The following RGS6 variants were observed in gnomAD, a reference collection of about 807,000 sequenced individuals.
The protein encoded by RGS6 is regulator of G-protein signaling 6.
In RGS6, 30 loss-of-function variants were observed where a neutral mutation model predicts 78.5. The ratio of observed to expected loss-of-function variants is 0.38; its 90% CI spans 0.29 to 0.52. The LOEUF (loss-of-function observed/expected upper bound fraction) is 0.52, where lower values mean the gene tolerates loss of function less well. Ranked by LOEUF, RGS6 falls within the 20% of genes least tolerant of loss-of-function variation. The pLI is 0.85. For synonymous variants in RGS6, 206 were observed against 206.0 expected (o/e 1.00, Z 0.00); for missense variants, 495 against 609.7 (o/e 0.81, Z 1.98).
chr14:71,876,473 C>CTTTTTTTTTTTTTTTTT, the RGS6 span, among the ~76,000 whole-genome samples: 1 of 72,470 alleles, frequency 1.4e-5, no homozygotes, highest in African/African-American at 6.1e-5. Flanking sequence ...GCAACCGCTG[C>CTTTTTTTTTTTTTTTTT]TTTTTTTTTT....
At chr14:72,536,110 G>T (rs1264313110) in intron 15 of RGS6, 76 bp from the exon 16 acceptor site, 4 of 1,128,834 alleles carry the variant, frequency 3.5e-6, no homozygotes, top group Non-Finnish European at 4.0e-6. Context: ...CCAAAACAGT[G>T]ATCAATTGGA....
chr14:72,120,322 C>G (rs760275986), intron 2 of RGS6, among the ~76,000 whole-genome samples: 5 of 152,102 alleles, frequency 3.3e-5, no homozygotes, highest in Non-Finnish European at 5.9e-5. Flanking sequence ...CACAAATGCC[C>G]CAGCTACAAA....
intron 14 of RGS6, among the ~76,000 whole-genome samples, chr14:72,517,263 A>G (rs1208654273): frequency 1.3e-5 from 2 of 152,072 alleles, no homozygotes; most frequent in Non-Finnish European, 2.9e-5. Context: ...TCTGTTGACT[A>G]GACTACCTGT....
chr14:72,279,761 T>C (rs1402704700), intron 2 of RGS6, among the ~76,000 whole-genome samples: 1 of 152,050 alleles, frequency 6.6e-6, no homozygotes, highest in Non-Finnish European at 1.5e-5. Flanking sequence ...GACATGAGAA[T>C]GACAAAGAAA....
At chr14:72,153,232 G>T (rs1166457298) in intron 2 of RGS6, among the ~76,000 whole-genome samples, 1 of 152,166 alleles carries the variant, frequency 6.6e-6, no homozygotes, top group African/African-American at 2.4e-5. Flanking sequence ...CCTTTTTGGA[G>T]CCCTTTGGAA....
intron 2 of RGS6, among the ~76,000 whole-genome samples, chr14:72,156,973 G>A (rs1277089288): frequency 6.6e-6 from 1 of 152,138 alleles, no homozygotes; most frequent in Admixed American, 6.5e-5. Flanking sequence ...GGTCTGGATG[G>A]GGAGGCTGGC....
chr14:72,116,711 C>A (rs1469100295), intron 2 of RGS6, among the ~76,000 whole-genome samples: 1 of 151,834 alleles, frequency 6.6e-6, no homozygotes, highest in Non-Finnish European at 1.5e-5. Flanking sequence ...TGCCTGTAAC[C>A]CTAGCACTTT....
chr14:72,266,994 TTTTG>T (rs3055057), intron 2 of RGS6, among the ~76,000 whole-genome samples: 85,711 of 151,404 alleles, frequency 0.57, 24,669 homozygotes, highest in African/African-American at 0.67. Flanking sequence ...GATTGTCATA[TTTTG>T]TTTGTTTGTT....
At chr14:72,010,501 G>A (rs1220560547) in intron 2 of RGS6, among the ~76,000 whole-genome samples, 1 of 152,146 alleles carries the variant, frequency 6.6e-6, no homozygotes, top group African/African-American at 2.4e-5. Flanking sequence ...ATTTGAGTGT[G>A]TGCACAGGTA....
chr14:71,967,590 G>A lies in RGS6; in HGVS notation c.84+2715G>A, dbSNP rs151239280. Among the ~76,000 whole-genome samples the A allele has an allele frequency of 7.1e-4, 108 of 152,154 alleles. No individual in the cohort carries two copies. In the East Asian group the frequency reaches 0.01, roughly 15 times the overall value. On this transcript the variant is annotated intron_variant, in intron 2 of 17. Coordinates refer to ENST00000553525, the MANE Select transcript of RGS6 (RefSeq NM_001204424.2). ...CCCAAACCTTTCCTTAGATACCCAC[G>A]ACTACAATTTACATTTAAAAAATTG...
At chr14:72,528,417 A>G (rs1451707094) in intron 15 of RGS6, among the ~76,000 whole-genome samples, 2 of 152,182 alleles carry the variant, frequency 1.3e-5, no homozygotes, top group African/African-American at 4.8e-5. Flanking sequence ...CAACCACTCC[A>G]GGGATATGAT....
In RGS6 at chr14:72,028,519, A is replaced by G. The variant is rs182401127; in HGVS notation, c.84+63644A>G. 2.0e-3 allele frequency among the ~76,000 whole-genome samples: 298 copies of G among 152,370 alleles called. 1 individual carries two copies. The highest frequency in any genetic ancestry group is 6.9e-3 in the African/African-American group (289 of 41,590). Reference sequence around the variant, plus strand: ...CATCTTTTCTGGTAATAGCATGCTAATGCTATACTTCAAAGTGCAGTGAAT... The same window carrying G: ...CATCTTTTCTGGTAATAGCATGCTAGTGCTATACTTCAAAGTGCAGTGAAT... On this transcript the variant is annotated intron_variant, in intron 2 of 17. Coordinates refer to ENST00000553525, the MANE Select transcript of RGS6 (RefSeq NM_001204424.2).
At chr14:72,038,808 T>C (rs753409946) in intron 2 of RGS6, among the ~76,000 whole-genome samples, 6 of 152,220 alleles carry the variant, frequency 3.9e-5, no homozygotes, top group Non-Finnish European at 8.8e-5. Flanking sequence ...GGTTTGTATG[T>C]ATGCTATTTC....
intron 2 of RGS6, among the ~76,000 whole-genome samples, chr14:72,312,856 G>A (rs550825834): frequency 3.3e-5 from 5 of 152,270 alleles, no homozygotes; most frequent in African/African-American, 1.2e-4. Context: ...CCCATACAAA[G>A]CAAAGGGGTC....
chr14:72,608,518 GTC>G, the RGS6 span, among the ~76,000 whole-genome samples: 3 of 151,950 alleles, frequency 2.0e-5, no homozygotes, highest in East Asian at 1.9e-4. Context: ...TGCACCAGAG[GTC>G]TCTCTCTCTC....
intron 2 of RGS6, among the ~76,000 whole-genome samples, chr14:72,297,274 A>G (rs2065027651): frequency 6.6e-6 from 1 of 152,096 alleles, no homozygotes; most frequent in Non-Finnish European, 1.5e-5. Flanking sequence ...GCATTTCTGT[A>G]TAAATTTTAG....
intron 2 of RGS6, among the ~76,000 whole-genome samples, chr14:72,177,869 C>T (rs1216799741): frequency 6.6e-6 from 1 of 152,218 alleles, no homozygotes; most frequent in African/African-American, 2.4e-5. Context: ...ACATCCACAA[C>T]TACATGTCGA....
chr14:72,151,447 G>A (rs1438391779), intron 2 of RGS6, among the ~76,000 whole-genome samples: 1 of 152,196 alleles, frequency 6.6e-6, no homozygotes, highest in Non-Finnish European at 1.5e-5. Flanking sequence ...TATTCAGCAT[G>A]GTTACAGGAA....
intron 2 of RGS6, among the ~76,000 whole-genome samples, chr14:72,183,862 A>G (rs1314248925): frequency 6.6e-6 from 1 of 152,170 alleles, no homozygotes; most frequent in Non-Finnish European, 1.5e-5. Context: ...TTTGGGAATG[A>G]TGATTCTTCA....
Sources: gnomAD v4.1 joint callset for allele counts (sites outside exome capture counted in the v4.1 genomes callset) on GRCh38, gnomAD v4.1.1 for gene constraint, MANE v1.5 for transcripts, NCBI Gene and HGNC (gene_info 2026-07-23, HGNC 2026-07-21) for gene names.